Variants in PCDHGB3 observed in about 807,000 individuals in gnomAD.
PCDHGB3 encodes the protein protocadherin gamma subfamily B, 3.
A neutral mutation model predicts 59.2 loss-of-function variants in PCDHGB3; 40 were observed. That is an observed-to-expected ratio of 0.68 (90% confidence interval 0.52 to 0.88). PCDHGB3 has a LOEUF of 0.88. PCDHGB3 is among the 40% of genes least tolerant of loss of function. The pLI is 0.00. For synonymous variants in PCDHGB3, 581 were observed against 503.6 expected (o/e 1.15, Z -2.06); for missense variants, 1,309 against 1,187.9 (o/e 1.10, Z -1.50).
Position 141,423,756 on chromosome 5 carries a change from G to GA in PCDHGB3, c.2415+50947_2415+50948insA. ...GCCTGTTATGAAAACTGTTTGGGGGGGGGGTGGGGCGGCATATATTTAGTT... is the reference window on the plus strand; with the variant it reads ...GCCTGTTATGAAAACTGTTTGGGGGGAGGGGTGGGGCGGCATATATTTAGTT... On this transcript the variant is annotated intron_variant, in intron 1 of 3. Transcript: ENST00000576222. 2 of 448,622 alleles carry GA rather than the reference G, an allele frequency of 4.5e-6. 1 individual carries two copies. The highest frequency in any genetic ancestry group is 6.1e-6 in the Non-Finnish European group (2 of 329,708). 27.8% of individuals were successfully genotyped at this position (448,622 alleles called of 1,614,324 possible). A position where few individuals can be genotyped will look rare whatever the true frequency, so the allele number is the denominator to read the frequency against.
chr5:141,410,560 A>G (rs769354927), intron 1 of PCDHGB3: 3 of 1,612,824 alleles, frequency 1.9e-6, no homozygotes, highest in African/African-American at 1.3e-5. Flanking sequence ...TTTCTCCTGG[A>G]GCCTTAATTC....
intron 1 of PCDHGB3, among the ~76,000 whole-genome samples, chr5:141,488,600 A>G (rs2099677400): frequency 6.6e-6 from 1 of 152,166 alleles, no homozygotes; most frequent in Admixed American, 6.5e-5. Flanking sequence ...AAGACTTTAC[A>G]AGGTTCTTAC....
Position 141,370,714 on chromosome 5 carries a change from A to G in PCDHGB3, c.320A>G (p.Glu107Gly). The G allele has an allele frequency of 6.2e-7, 1 of 1,613,830 alleles. No homozygotes were observed. The highest frequency in any genetic ancestry group is 8.5e-7 in the Non-Finnish European group (1 of 1,179,884). ...GKKSTCVLEF[E>G]MVAEKPLNFF... ...AAGTCGACGTGTGTTCTGGAATTTG[A>G]AATGGTTGCTGAAAAGCCTTTAAAC... The change falls in exon 1 of 4, where the codon GAA becomes GGA. Residue 107 changes from glutamate to glycine, a missense_variant. Glu to Gly is a moderately conservative substitution (Grantham distance 98). Transcript: ENST00000576222.
chr5:141,375,963 G>T lies in PCDHGB3; in HGVS notation c.2415+3154G>T, dbSNP rs371650654. 16 of 1,613,262 alleles carry T rather than the reference G, an allele frequency of 9.9e-6. No homozygotes were observed. Among genetic ancestry groups the T allele is most frequent in the African/African-American group, 1.3e-5 (1 of 74,938 alleles). ...GTGGGCCTGCACACGGGCGAGGTGC[G>T]CACGGCGCGCGCCCTGCTGGACAGA... On this transcript the variant is annotated intron_variant, in intron 1 of 3. Coordinates refer to ENST00000576222, the MANE Select transcript of PCDHGB3 (RefSeq NM_018924.5).
rs375363587 is a variant in PCDHGB3 at position 141,414,524 on chromosome 5, A to G, written c.2415+41715A>G. On this transcript the variant is annotated intron_variant, in intron 1 of 3. Coordinates refer to ENST00000576222, the MANE Select transcript of PCDHGB3 (RefSeq NM_018924.5). ...TTTATGCTACAAGTGGCAGATATCA[A>G]TGACAACCCACCTACCTTCTCTCAA... 105 of 1,613,844 alleles carry G rather than the reference A, an allele frequency of 6.5e-5. 1 individual carries two copies. In the South Asian group the frequency reaches 7.2e-4, roughly 11 times the overall value.
intron 1 of PCDHGB3, chr5:141,407,909 G>T: frequency 4.7e-6 from 2 of 425,700 alleles, no homozygotes; most frequent in Non-Finnish European, 8.3e-6. Context: ...TGAAAAACCG[G>T]GCTGCTGTCC....
In PCDHGB3 at chr5:141,375,730, C is replaced by A. The variant is rs763067110; in HGVS notation, c.2415+2921C>A. On this transcript the variant is annotated intron_variant, in intron 1 of 3. Coordinates refer to ENST00000576222, the MANE Select transcript of PCDHGB3 (RefSeq NM_018924.5). ...CTCTTAGCAGCAACGTGTCACTGAG[C>A]CTGTTTGTGCTGGACCAGAATGACA... 4 of 1,614,266 alleles carry A rather than the reference C, an allele frequency of 2.5e-6. No homozygotes were observed. Among genetic ancestry groups the A allele is most frequent in the Non-Finnish European group, 3.4e-6 (4 of 1,180,050 alleles).
In PCDHGB3 at chr5:141,493,930, A is replaced by G. The variant is rs547125826; in HGVS notation, c.2416-877A>G. Among the ~76,000 whole-genome samples the G allele has an allele frequency of 6.6e-6, 1 of 152,268 alleles. No homozygotes were observed. The highest frequency in any genetic ancestry group is 6.5e-5 in the Admixed American group (1 of 15,300). ...TGTGATGGGATAACACACCCCCTGG[A>G]AAGACCAGAAGGGACTCAGGAATGA... On this transcript the variant is annotated intron_variant, in intron 1 of 3. Transcript: ENST00000576222. This position sits in a 1 kb window ranked among gnomAD's most constrained non-coding sequence, Gnocchi z 4.3.
intron 1 of PCDHGB3, among the ~76,000 whole-genome samples, chr5:141,381,074 T>C (rs1776971630): frequency 6.6e-6 from 1 of 152,250 alleles, no homozygotes; most frequent in Non-Finnish European, 1.5e-5. Flanking sequence ...AACTATGGAT[T>C]ATTTTGATAG....
At chr5:141,419,686 G>A (rs551990092) in intron 1 of PCDHGB3, 2 of 1,612,760 alleles carry the variant, frequency 1.2e-6, no homozygotes, top group Non-Finnish European at 1.7e-6. Flanking sequence ...ACCACGTGGT[G>A]CAGGCCAGTG....
At chr5:141,421,281 C>T in intron 1 of PCDHGB3, 2 of 1,612,970 alleles carry the variant, frequency 1.2e-6, no homozygotes, top group South Asian at 2.2e-5. Flanking sequence ...TGCTGCTGTG[C>T]ATTTTCCTGG....
intron 1 of PCDHGB3, chr5:141,413,373 C>T (rs1421093311): frequency 1.2e-6 from 2 of 1,613,946 alleles, no homozygotes; most frequent in Non-Finnish European, 1.7e-6. Flanking sequence ...TGGCGGAGCG[C>T]GGAGTCCGCA....
intron 1 of PCDHGB3, chr5:141,419,798 A>G: frequency 6.2e-7 from 1 of 1,614,050 alleles, no homozygotes; most frequent in Admixed American, 1.7e-5. Flanking sequence ...AGTCGCTGTA[A>G]GAGATGGAGG....
chr5:141,394,640 C>T (rs1316258017), intron 1 of PCDHGB3: 2 of 1,613,310 alleles, frequency 1.2e-6, no homozygotes, highest in Non-Finnish European at 1.7e-6. Flanking sequence ...ACCGCCTGCT[C>T]AAGGCCAGCG....
At chr5:141,383,300 T>C in intron 1 of PCDHGB3, 1 of 1,613,968 alleles carries the variant, frequency 6.2e-7, no homozygotes, top group Non-Finnish European at 8.5e-7. Context: ...CCAAGATTCT[T>C]GACGGAAGAA....
intron 1 of PCDHGB3, chr5:141,383,080 G>C: frequency 1.9e-6 from 3 of 1,613,930 alleles, no homozygotes; most frequent in Non-Finnish European, 2.5e-6. Context: ...GGAGCTGGCG[G>C]AGCGCGGAGT....
At chr5:141,385,488 T>C in intron 1 of PCDHGB3, 1 of 1,400,248 alleles carries the variant, frequency 7.1e-7, no homozygotes, top group Non-Finnish European at 9.3e-7. Context: ...ATAGAACACA[T>C]AGGATATAGT....
At chr5:141,395,131 C>G in intron 1 of PCDHGB3, 1 of 1,614,202 alleles carries the variant, frequency 6.2e-7, no homozygotes, top group Non-Finnish European at 8.5e-7. Flanking sequence ...TTTCCCCAGC[C>G]CAACTACGCA....
intron 1 of PCDHGB3, chr5:141,374,675 G>A (rs1770710965): frequency 1.2e-6 from 2 of 1,610,644 alleles, no homozygotes; most frequent in South Asian, 1.1e-5. Flanking sequence ...GGTGCTGGAG[G>A]GCACACTGGA....
Sources: gnomAD v4.1 joint callset for allele counts (sites outside exome capture counted in the v4.1 genomes callset) on GRCh38, gnomAD v4.1.1 for gene constraint, Gnocchi (gnomAD v3.1) non-coding constraint, MANE v1.5 for transcripts, NCBI Gene and HGNC (gene_info 2026-07-23, HGNC 2026-07-21) for gene names.